Variants in IL2RA observed in about 807,000 individuals in gnomAD.
The protein encoded by IL2RA is interleukin-2 receptor subunit alpha.
In IL2RA, 24 loss-of-function variants were observed where a neutral mutation model predicts 37.8. That is an observed-to-expected ratio of 0.63 (90% CI 0.46 to 0.89). The LOEUF (loss-of-function observed/expected upper bound fraction) is 0.89. IL2RA is among the 40% of genes least tolerant of loss of function. The pLI, the probability that IL2RA is intolerant of heterozygous loss-of-function variation, is 0.00. For synonymous variants in IL2RA, 125 were observed against 114.6 expected (o/e 1.09, Z -0.58); for missense variants, 319 against 348.6 (o/e 0.92, Z 0.68).
chr10:6,047,648 A>G lies in IL2RA; in HGVS notation c.64+14440T>C, dbSNP rs981347041. On this transcript the variant is annotated intron_variant, in intron 1 of 7. Transcript: ENST00000379959. The surrounding 1 kb of genome is among the most constrained non-coding windows in gnomAD (Gnocchi z 5.0). ...TTAGACATCACAATTCAAATACAAT[A>G]AAGTATATAAATATAAATATATAAT... Among the ~76,000 whole-genome samples, 4 of 150,736 alleles carry G rather than the reference A, an allele frequency of 2.7e-5. No individual in the cohort carries two copies. Among genetic ancestry groups the G allele is most frequent in the Non-Finnish European group, 5.9e-5 (4 of 67,746 alleles).
At chr10:6,045,087 AAGG>A (rs1453385163) in intron 1 of IL2RA, among the ~76,000 whole-genome samples, 5 of 152,298 alleles carry the variant, frequency 3.3e-5, no homozygotes, top group African/African-American at 1.2e-4. Flanking sequence ...GGTGTGGTTC[AAGG>A]AGGAGACCTT....
rs1040754832 is a variant in IL2RA at position 6,057,037 on chromosome 10, G to T, written c.64+5051C>A. The stretch of plus-strand genomic sequence containing the variant: ...GGCTCCCTTTCCATGTCACCCTCAT[G>T]AAGCTTTCTCTGATAGCCCCATGCT... On this transcript the variant is annotated intron_variant, in intron 1 of 7. Transcript: ENST00000379959. This position sits in a 1 kb window ranked among gnomAD's most constrained non-coding sequence, Gnocchi z 4.8. Among the ~76,000 whole-genome samples, 3 of 152,178 alleles carry T rather than the reference G, an allele frequency of 2.0e-5. No individual in the cohort carries two copies. The highest frequency in any genetic ancestry group is 4.4e-5 in the Non-Finnish European group (3 of 68,030).
In IL2RA at chr10:6,022,076, C is replaced by G. The variant is rs1839397693; in HGVS notation, c.368-383G>C. 6.6e-6 allele frequency among the ~76,000 whole-genome samples: 1 copy of G among 151,974 alleles called. No homozygotes were observed. The highest frequency in any genetic ancestry group is 2.4e-5 in the African/African-American group (1 of 41,386). ...TGACAGTGGACAGGAGTGGGCGGGG[C>G]AGTCTCAGCTGAGACACAAGGGTAG... On this transcript the variant is annotated intron_variant, in intron 3 of 7. Coordinates refer to ENST00000379959, the MANE Select transcript of IL2RA (RefSeq NM_000417.3). This position sits in a 1 kb window ranked among gnomAD's most constrained non-coding sequence, Gnocchi z 4.7.
At chr10:6,019,280 C>A in intron 6 of IL2RA, 148 bp downstream of exon 6, 1 of 765,482 alleles carries the variant, frequency 1.3e-6, no homozygotes, top group South Asian at 1.4e-5. Flanking sequence ...ACCAACTTAC[C>A]AATCAACTAG....
At chr10:6,019,289 A>T (rs1839337516) in intron 6 of IL2RA, 139 bp downstream of exon 6, 1 of 776,750 alleles carries the variant, frequency 1.3e-6, no homozygotes, top group Non-Finnish European at 2.4e-6. Context: ...CCAATCAACT[A>T]GCCAACCTAC....
chr10:6,024,362 A>G lies in IL2RA; in HGVS notation c.257-8T>C, dbSNP rs1237002680. ...TCGTTGTGTTCCGAGTGGCTAGAAA[A>G]TATAGATGGAATGATGCAGATAATT... On this transcript the variant is annotated splice_polypyrimidine_tract_variant and splice_region_variant and intron_variant, in intron 2 of 7. Coordinates refer to ENST00000379959, the MANE Select transcript of IL2RA (RefSeq NM_000417.3). 1 of 1,567,106 alleles carries G rather than the reference A, an allele frequency of 6.4e-7. No individual in the cohort carries two copies. The highest frequency in any genetic ancestry group is 8.8e-7 in the Non-Finnish European group (1 of 1,137,030).
rs1023976376 is a variant in IL2RA at position 6,012,715 on chromosome 10, C to T, written c.*157G>A. Reference sequence around the variant, plus strand: ...CATAGAGACAAGGTTGCCACTGCCCCGTGTCCTGTGATGTGACTTCAGAGC... The same window carrying T: ...CATAGAGACAAGGTTGCCACTGCCCTGTGTCCTGTGATGTGACTTCAGAGC... On this transcript the variant is annotated 3_prime_UTR_variant, in exon 8 of 8. Coordinates refer to ENST00000379959, the MANE Select transcript of IL2RA (RefSeq NM_000417.3). The surrounding 1 kb of genome is among the most constrained non-coding windows in gnomAD (Gnocchi z 4.8). 6.5e-6 allele frequency: 5 copies of T among 764,748 alleles called. No individual in the cohort carries two copies. The highest frequency in any genetic ancestry group is 3.9e-5 in the Admixed American group (2 of 50,872). The allele number at this position is 764,748 out of a possible 1,614,324, so 47.4% of individuals were successfully genotyped here.
Position 6,054,164 on chromosome 10 carries a change from C to T in IL2RA, c.64+7924G>A, listed in dbSNP as rs974682803. Among the ~76,000 whole-genome samples, 1 of 152,196 alleles carries T rather than the reference C, an allele frequency of 6.6e-6. No individual in the cohort carries two copies. The highest frequency in any genetic ancestry group is 6.5e-5 in the Admixed American group (1 of 15,284). Reference sequence around the variant, plus strand: ...TTAAGCAGGATGCCTGGATCCGGGTCGAGGGCTGCAGGCGGAGCTGCTGGT... The same window carrying T: ...TTAAGCAGGATGCCTGGATCCGGGTTGAGGGCTGCAGGCGGAGCTGCTGGT... On this transcript the variant is annotated intron_variant, in intron 1 of 7. Coordinates refer to ENST00000379959, the MANE Select transcript of IL2RA (RefSeq NM_000417.3). This position sits in a 1 kb window ranked among gnomAD's most constrained non-coding sequence, Gnocchi z 4.5.
intron 1 of IL2RA, among the ~76,000 whole-genome samples, chr10:6,059,141 T>C (rs1840088745): frequency 6.6e-6 from 1 of 152,240 alleles, no homozygotes; most frequent in Non-Finnish European, 1.5e-5. Flanking sequence ...TTCCAGAAAC[T>C]TGACCCCTGT....
At position 6,020,387 on chromosome 10, in the gene IL2RA, A is replaced by C. The variant is rs1010726922; in HGVS notation, c.584-446T>G. On this transcript the variant is annotated intron_variant, in intron 4 of 7. Coordinates refer to ENST00000379959, the MANE Select transcript of IL2RA (RefSeq NM_000417.3). This position sits in a 1 kb window ranked among gnomAD's most constrained non-coding sequence, Gnocchi z 5.6. ...TCTGCCCTGCCTCTCACCCTCTTCC[A>C]AGGAAGCAGCAAGCATTCCCTGGCT... 6.6e-6 allele frequency among the ~76,000 whole-genome samples: 1 copy of C among 152,144 alleles called. No homozygotes were observed. The highest frequency in any genetic ancestry group is 6.5e-5 in the Admixed American group (1 of 15,280).
rs1839680786 is a variant in IL2RA at position 6,036,242 on chromosome 10, C to T, written c.65-10217G>A. The T allele has an allele frequency of 1.3e-5, 2 of 152,240 alleles. No homozygotes were observed. Among genetic ancestry groups the T allele is most frequent in the Non-Finnish European group, 2.9e-5 (2 of 68,072 alleles). 9.4% of individuals were successfully genotyped at this position (152,240 alleles called of 1,614,324 possible). A position where few individuals can be genotyped will look rare whatever the true frequency, so the allele number is the denominator to read the frequency against. On this transcript the variant is annotated intron_variant, in intron 1 of 7. Coordinates refer to ENST00000379959, the MANE Select transcript of IL2RA (RefSeq NM_000417.3). The surrounding 1 kb of genome is among the most constrained non-coding windows in gnomAD (Gnocchi z 6.1). Reference sequence around the variant, plus strand: ...GCCACAGATGACCAGAATGACCTCACCCAGGACAAACGGCGACAGATTTAG... The same window carrying T: ...GCCACAGATGACCAGAATGACCTCATCCAGGACAAACGGCGACAGATTTAG...
chr10:6,023,054 G>A (rs1839414141), intron 3 of IL2RA, among the ~76,000 whole-genome samples: 1 of 152,214 alleles, frequency 6.6e-6, no homozygotes, highest in South Asian at 2.1e-4. Context: ...TCAGCAGAAA[G>A]TTTCCTCATC....
Position 6,025,946 on chromosome 10 carries a change from G to T in IL2RA, c.144C>A (p.Asn48Lys). The T allele has an allele frequency of 6.2e-7, 1 of 1,614,180 alleles. No individual in the cohort carries two copies. Among genetic ancestry groups the T allele is most frequent in the Non-Finnish European group, 8.5e-7 (1 of 1,180,030 alleles). The part of the protein sequence containing the change: ...AMAYKEGTML[N>K]CECKRGFRRI... Reference sequence around the variant, plus strand: ...TGCGGAAACCTCTCTTGCATTCACAGTTCAACATGGTTCCTTCCTTGTAGG... The same window carrying T: ...TGCGGAAACCTCTCTTGCATTCACATTTCAACATGGTTCCTTCCTTGTAGG... Residue 48 changes from asparagine to lysine, a missense_variant, in exon 2 of 8, where the codon AAC (asparagine) becomes AAA (lysine). Transcript: ENST00000379959. The surrounding 1 kb of genome is among the most constrained non-coding windows in gnomAD (Gnocchi z 4.4).
At chr10:6,040,331 T>C (rs1839752804) in intron 1 of IL2RA, among the ~76,000 whole-genome samples, 1 of 152,268 alleles carries the variant, frequency 6.6e-6, no homozygotes, top group Non-Finnish European at 1.5e-5. Flanking sequence ...GAACTATTTA[T>C]GAGAATGCTG....
In IL2RA at chr10:6,018,875, C is replaced by T. The variant is rs1409782404; in HGVS notation, c.727+553G>A. Among the ~76,000 whole-genome samples, 2 of 152,128 alleles carry T rather than the reference C, an allele frequency of 1.3e-5. No homozygotes were observed. Among genetic ancestry groups the T allele is most frequent in the Non-Finnish European group, 1.5e-5 (1 of 68,016 alleles). ...ATCAACTAACCAACTAACAAACCTA[C>T]TAACCTACCAACAAACTAACCAACC... is the stretch of plus-strand genomic sequence containing the variant. On this transcript the variant is annotated intron_variant, in intron 6 of 7. Transcript: ENST00000379959. The surrounding 1 kb of genome is among the most constrained non-coding windows in gnomAD (Gnocchi z 5.1).
intron 1 of IL2RA, among the ~76,000 whole-genome samples, chr10:6,037,485 T>G (rs1464108888): frequency 6.6e-6 from 1 of 152,196 alleles, no homozygotes; most frequent in Non-Finnish European, 1.5e-5. Flanking sequence ...ATCAGAACTT[T>G]AAGCTCTACT....
intron 5 of IL2RA, 139 bp downstream of exon 5, chr10:6,019,731 C>G (rs964757172): frequency 3.6e-5 from 32 of 883,318 alleles, no homozygotes; most frequent in Middle Eastern, 2.1e-4. Flanking sequence ...GAGGCCCTGT[C>G]CCTGCTCAGA....
chr10:6,053,500 T>C (rs1353954034), intron 1 of IL2RA, among the ~76,000 whole-genome samples: 1 of 151,984 alleles, frequency 6.6e-6, no homozygotes, highest in Non-Finnish European at 1.5e-5. Flanking sequence ...AGTATCGGAG[T>C]TGGTGCATGG....
At position 6,012,560 on chromosome 10, in the gene IL2RA, A is replaced by T; in HGVS notation, c.*312T>A. On this transcript the variant is annotated 3_prime_UTR_variant, in exon 8 of 8. Transcript: ENST00000379959. This position sits in a 1 kb window ranked among gnomAD's most constrained non-coding sequence, Gnocchi z 4.8. ...TATAGGGTGGAGAGAGTTCCATACC[A>T]TTCATGCTTTAATGAACACATATAC... 1 of 492,536 alleles carries T rather than the reference A, an allele frequency of 2.0e-6. No individual in the cohort carries two copies. The highest frequency in any genetic ancestry group is 3.7e-6 in the Non-Finnish European group (1 of 269,512). 30.5% of individuals were successfully genotyped at this position (492,536 alleles called of 1,614,324 possible).
Sources: gnomAD v4.1 joint callset for allele counts (sites outside exome capture counted in the v4.1 genomes callset) on GRCh38, gnomAD v4.1.1 for gene constraint, Gnocchi (gnomAD v3.1) non-coding constraint, MANE v1.5 for transcripts, NCBI Gene and HGNC (gene_info 2026-07-23, HGNC 2026-07-21) for gene names.